SMYD3: variants seen among roughly 807,000 people sequenced by gnomAD.
The protein encoded by SMYD3 is SET and MYND domain containing 3.
In SMYD3, 36 loss-of-function variants were observed where a neutral mutation model predicts 57.7. That is an observed-to-expected ratio of 0.62 (90% CI 0.48 to 0.82). The LOEUF (loss-of-function observed/expected upper bound fraction) is 0.82, where lower values mean the gene tolerates loss of function less well. Among genes scored for constraint, SMYD3 ranks in the 40% least tolerant of loss-of-function variants. SMYD3 has a pLI of 0.00. For synonymous variants in SMYD3, 211 were observed against 195.0 expected (o/e 1.08, Z -0.68); for missense variants, 515 against 538.8 (o/e 0.96, Z 0.44).
chr1:246,243,122 C>A (rs1168803598), intron 5 of SMYD3, among the ~76,000 whole-genome samples: 6 of 152,114 alleles, frequency 3.9e-5, no homozygotes, highest in Admixed American at 6.6e-5. Context: ...ATCTACAGAA[C>A]TCTGCACCCC....
At chr1:245,820,844 T>G (rs1380246910) in intron 10 of SMYD3, among the ~76,000 whole-genome samples, 2 of 151,370 alleles carry the variant, frequency 1.3e-5, no homozygotes, top group Non-Finnish European at 2.9e-5. Context: ...ACAAGGGATG[T>G]GAAGGATCTC....
intron 10 of SMYD3, among the ~76,000 whole-genome samples, chr1:245,806,781 G>A (rs905842832): frequency 1.2e-4 from 18 of 151,096 alleles, no homozygotes; most frequent in Non-Finnish European, 2.4e-4. Flanking sequence ...GCGGTGGCGG[G>A]CGCCTGTAGT....
intron 5 of SMYD3, among the ~76,000 whole-genome samples, chr1:245,978,843 A>G (rs1222467012): frequency 6.6e-6 from 1 of 152,104 alleles, no homozygotes; most frequent in Non-Finnish European, 1.5e-5. Flanking sequence ...AAGGCAAATT[A>G]TGGGGCTCAA....
At chr1:245,983,751 G>A (rs777614049) in intron 5 of SMYD3, among the ~76,000 whole-genome samples, 35 of 152,072 alleles carry the variant, frequency 2.3e-4, no homozygotes, top group Non-Finnish European at 4.4e-5. Context: ...CAAACAAAAA[G>A]CCCCTGAACA....
intron 5 of SMYD3, among the ~76,000 whole-genome samples, chr1:246,090,487 G>A (rs1222605221): frequency 2.0e-5 from 3 of 147,886 alleles, no homozygotes; most frequent in Non-Finnish European, 4.5e-5. Context: ...TCTCTCTATA[G>A]AGAAAGAGAG....
At chr1:245,896,354 T>A (rs566023665) in intron 8 of SMYD3, among the ~76,000 whole-genome samples, 6 of 16,614 alleles carry the variant, frequency 3.6e-4, no homozygotes, top group Admixed American at 1.5e-3. Context: ...ACAGGTAAAA[T>A]ATAAAAACAG....
chr1:246,041,005 A>G (rs1402920856), intron 5 of SMYD3, among the ~76,000 whole-genome samples: 1 of 152,212 alleles, frequency 6.6e-6, no homozygotes, highest in African/African-American at 2.4e-5. Context: ...ACACACATAC[A>G]ATGGTGGTCC....
At chr1:246,125,179 T>C (rs1890332) in intron 5 of SMYD3, among the ~76,000 whole-genome samples, 30,448 of 152,046 alleles carry the variant, frequency 0.2, 4,116 homozygotes, top group East Asian at 0.43. Flanking sequence ...AAGATGTTGA[T>C]GGCAGCATAT....
intron 5 of SMYD3, among the ~76,000 whole-genome samples, chr1:246,176,966 A>T (rs761351105): frequency 2.0e-5 from 3 of 152,176 alleles, no homozygotes; most frequent in Non-Finnish European, 2.9e-5. Context: ...CTTTAACCCA[A>T]ATTGGTGAAA....
chr1:246,384,564 T>C (rs148612022), intron 1 of SMYD3, among the ~76,000 whole-genome samples: 2,865 of 152,098 alleles, frequency 0.019, 93 homozygotes, highest in African/African-American at 0.065. Context: ...CCCGGCTAAT[T>C]TTTTGTATTC....
At chr1:246,260,738 C>G (rs574031383) in intron 5 of SMYD3, among the ~76,000 whole-genome samples, 1 of 151,898 alleles carries the variant, frequency 6.6e-6, no homozygotes, top group Non-Finnish European at 1.5e-5. Flanking sequence ...GCCCCATTTT[C>G]CTTCTTGAAA....
intron 5 of SMYD3, among the ~76,000 whole-genome samples, chr1:246,279,235 G>A (rs1047214492): frequency 6.6e-6 from 1 of 152,108 alleles, no homozygotes; most frequent in Non-Finnish European, 1.5e-5. Context: ...AGATTGTTGA[G>A]ACCAGCCGGG....
At chr1:245,778,007 C>T (rs1320734944) in intron 10 of SMYD3, among the ~76,000 whole-genome samples, 1 of 151,994 alleles carries the variant, frequency 6.6e-6, no homozygotes, top group Non-Finnish European at 1.5e-5. Flanking sequence ...GAAAATGATA[C>T]AAAGTGTCAA....
chr1:246,415,337 C>G (rs59844066), intron 1 of SMYD3, among the ~76,000 whole-genome samples: 61,966 of 152,046 alleles, frequency 0.41, 14,084 homozygotes, highest in Admixed American at 0.53. Flanking sequence ...GCTCACCCCC[C>G]ACTTCTAATA....
At chr1:246,420,351 G>C (rs2067125058) in intron 1 of SMYD3, among the ~76,000 whole-genome samples, 1 of 152,182 alleles carries the variant, frequency 6.6e-6, no homozygotes, top group Non-Finnish European at 1.5e-5. Context: ...CCTACAGCTT[G>C]GGGTTGGAAG....
At chr1:245,967,863 GGA>G (rs2058195078) in intron 5 of SMYD3, among the ~76,000 whole-genome samples, 1 of 152,218 alleles carries the variant, frequency 6.6e-6, no homozygotes, top group Non-Finnish European at 1.5e-5. Context: ...GCAACAGGCA[GGA>G]GAGTGGCGTG....
intron 5 of SMYD3, among the ~76,000 whole-genome samples, chr1:246,018,054 A>G (rs1049315534): frequency 1.1e-4 from 17 of 152,252 alleles, no homozygotes; most frequent in Admixed American, 7.2e-4. Context: ...TAAGTAGCGA[A>G]CAGTATTTAG....
At chr1:246,356,145 A>G (rs1486016761) in intron 1 of SMYD3, among the ~76,000 whole-genome samples, 1 of 152,078 alleles carries the variant, frequency 6.6e-6, no homozygotes, top group Non-Finnish European at 1.5e-5. Flanking sequence ...CCCCAGTACC[A>G]GCCCAGAGCC....
At chr1:246,150,400 A>G (rs1383049145) in intron 5 of SMYD3, among the ~76,000 whole-genome samples, 1 of 152,214 alleles carries the variant, frequency 6.6e-6, no homozygotes, top group East Asian at 1.9e-4. Flanking sequence ...AAGTGAAGTT[A>G]ATTACATTTA....
Sources: gnomAD v4.1 joint callset for allele counts (sites outside exome capture counted in the v4.1 genomes callset) on GRCh38, gnomAD v4.1.1 for gene constraint, MANE v1.5 for transcripts, NCBI Gene and HGNC (gene_info 2026-07-23, HGNC 2026-07-21) for gene names.